Variants in CUX1 observed in about 807,000 individuals in gnomAD.
CUX1 encodes the protein protein CASP.
CUX1 carries 31 observed loss-of-function variants against 158.8 expected under a neutral mutation model. The observed-to-expected ratio is 0.20, with a 90% CI of 0.15 to 0.26. The LOEUF is 0.26. Ranked by LOEUF, CUX1 falls within the 10% of genes least tolerant of loss-of-function variation. CUX1 has a pLI of 1.00. For synonymous variants in CUX1, 879 were observed against 862.1 expected (o/e 1.02, Z -0.34); for missense variants, 1,589 against 2,014.6 (o/e 0.79, Z 4.04).
intron 1 of CUX1, among the ~76,000 whole-genome samples, chr7:101,843,366 A>G (rs1205846054): frequency 6.6e-6 from 1 of 152,166 alleles, no homozygotes; most frequent in Non-Finnish European, 1.5e-5. Flanking sequence ...GTTGTGTTAT[A>G]TTAGGATTTC....
At chr7:102,152,653 A>G (rs1297576110) in intron 8 of CUX1, among the ~76,000 whole-genome samples, 1 of 152,086 alleles carries the variant, frequency 6.6e-6, no homozygotes, top group African/African-American at 2.4e-5. Context: ...TGCCCTCCCC[A>G]AGTGCTGGGA....
chr7:102,064,505 G>A (rs1412343659), intron 3 of CUX1, among the ~76,000 whole-genome samples: 1 of 152,214 alleles, frequency 6.6e-6, no homozygotes, highest in Non-Finnish European at 1.5e-5. Context: ...CCTTCTCAGA[G>A]GGAGCTGTGT....
intron 22 of CUX1, among the ~76,000 whole-genome samples, chr7:102,236,473 G>A (rs1411836826): frequency 1.3e-5 from 2 of 152,222 alleles, no homozygotes; most frequent in Middle Eastern, 3.4e-3. Context: ...TTAAAGTCTC[G>A]CTATATTGCC....
At chr7:102,178,218 C>T (rs555315595) in intron 10 of CUX1, among the ~76,000 whole-genome samples, 1 of 152,294 alleles carries the variant, frequency 6.6e-6, no homozygotes, top group South Asian at 2.1e-4. Context: ...TTCTTTGATT[C>T]ACTGCTATAT....
chr7:101,912,544 A>C (rs1803616556), intron 1 of CUX1, among the ~76,000 whole-genome samples: 1 of 152,200 alleles, frequency 6.6e-6, no homozygotes, highest in Non-Finnish European at 1.5e-5. Context: ...CCAAATGGCA[A>C]GACAGTCCAA....
chr7:102,146,624 C>T (rs924159510), intron 8 of CUX1, among the ~76,000 whole-genome samples: 1 of 151,940 alleles, frequency 6.6e-6, no homozygotes, highest in Admixed American at 6.6e-5. Flanking sequence ...TTTAAACAGA[C>T]TCTCACTCTG....
intron 2 of CUX1, among the ~76,000 whole-genome samples, chr7:102,025,329 A>G (rs1006250302): frequency 1.4e-4 from 18 of 132,920 alleles, no homozygotes; most frequent in African/African-American, 5.3e-4. Context: ...CCTTATTTAT[A>G]TAAAAAGAGA....
At chr7:101,882,675 G>A (rs1043068066) in intron 1 of CUX1, among the ~76,000 whole-genome samples, 1 of 152,164 alleles carries the variant, frequency 6.6e-6, no homozygotes, top group Non-Finnish European at 1.5e-5. Flanking sequence ...ATAGTAGTAG[G>A]TACTCAGAAT....
chr7:102,029,051 G>A (rs1275342455), intron 3 of CUX1, among the ~76,000 whole-genome samples: 2 of 144,654 alleles, frequency 1.4e-5, no homozygotes, highest in African/African-American at 5.1e-5. Flanking sequence ...ACAGTCCAGT[G>A]GTGCAATCTA....
At chr7:101,990,800 C>G (rs1027849134) in intron 2 of CUX1, among the ~76,000 whole-genome samples, 1 of 152,194 alleles carries the variant, frequency 6.6e-6, no homozygotes, top group African/African-American at 2.4e-5. Context: ...TCTCCTACAT[C>G]CCCTTCCGTG....
At chr7:101,952,623 T>C (rs1328240981) in intron 2 of CUX1, among the ~76,000 whole-genome samples, 3 of 152,206 alleles carry the variant, frequency 2.0e-5, no homozygotes, top group South Asian at 2.1e-4. Flanking sequence ...TTGGTACTGA[T>C]GCCGAACCAC....
intron 20 of CUX1, among the ~76,000 whole-genome samples, chr7:102,222,903 G>A (rs1197835021): frequency 3.0e-5 from 4 of 135,060 alleles, no homozygotes; most frequent in Admixed American, 8.4e-5. Context: ...CACTGCAACC[G>A]CCACCTCCCA....
intron 3 of CUX1, among the ~76,000 whole-genome samples, chr7:102,050,446 C>T (rs983664283): frequency 1.3e-5 from 2 of 152,146 alleles, no homozygotes; most frequent in African/African-American, 4.8e-5. Context: ...AGAGTAACCT[C>T]ATCTGGGCCG....
chr7:101,988,334 C>T (rs1191067241), intron 2 of CUX1, among the ~76,000 whole-genome samples: 2 of 152,148 alleles, frequency 1.3e-5, no homozygotes, highest in African/African-American at 4.8e-5. Flanking sequence ...GGCAAGAAAC[C>T]CAGACAGAAC....
At chr7:101,900,601 A>G (rs1222874865) in intron 1 of CUX1, among the ~76,000 whole-genome samples, 1 of 152,192 alleles carries the variant, frequency 6.6e-6, no homozygotes, top group East Asian at 1.9e-4. Flanking sequence ...GTTTTTTCCC[A>G]GGAGCCAGTT....
intron 2 of CUX1, among the ~76,000 whole-genome samples, chr7:101,965,250 T>G (rs1563068980): frequency 1.3e-5 from 2 of 152,168 alleles, no homozygotes; most frequent in Non-Finnish European, 2.9e-5. Context: ...GATCAGGTCC[T>G]TGGTGTGGGC....
intron 1 of CUX1, among the ~76,000 whole-genome samples, chr7:101,843,588 T>G (rs1352378929): frequency 1.3e-5 from 2 of 152,188 alleles, no homozygotes; most frequent in Non-Finnish European, 2.9e-5. Flanking sequence ...TTTTTTTCTT[T>G]TAGAATATAA....
At chr7:101,825,694 C>T (rs949944786) in intron 1 of CUX1, among the ~76,000 whole-genome samples, 1 of 151,346 alleles carries the variant, frequency 6.6e-6, no homozygotes, top group Non-Finnish European at 1.5e-5. Context: ...TTTTACGTGG[C>T]TCTGTGTTGG....
intron 2 of CUX1, among the ~76,000 whole-genome samples, chr7:101,977,698 G>T (rs1445384730): frequency 1.3e-5 from 2 of 152,052 alleles, no homozygotes; most frequent in Admixed American, 6.6e-5. Flanking sequence ...TTGAACCCAG[G>T]AGGCAGAGGC....
Sources: allele counts gnomAD v4.1 joint callset (sites outside exome capture counted in the v4.1 genomes callset), GRCh38; gene constraint gnomAD v4.1.1; transcripts MANE v1.5; gene names NCBI Gene and HGNC (gene_info 2026-07-23, HGNC 2026-07-21).